PPP2R1B: variants seen among roughly 807,000 people sequenced by gnomAD.
PPP2R1B encodes the protein serine/threonine-protein phosphatase 2A 65 kDa regulatory subunit A beta isoform.
Under a neutral mutation model 72.7 loss-of-function variants are expected in PPP2R1B, and 58 were observed. That is an observed-to-expected ratio of 0.80 (90% CI 0.65 to 0.99). The LOEUF (loss-of-function observed/expected upper bound fraction) is 0.99. Ranked by LOEUF, PPP2R1B falls within the 50% of genes least tolerant of loss-of-function variation. PPP2R1B has a pLI of 0.00. For synonymous variants in PPP2R1B, 256 were observed against 264.6 expected, an observed-to-expected ratio of 0.97 and a Z score of 0.32; for missense variants, 695 against 733.6, an observed-to-expected ratio of 0.95 and a Z score of 0.61.
chr11:111,729,119 G>A (rs1188523691), intron 15 of PPP2R1B: 2 of 152,202 alleles, frequency 1.3e-5, no homozygotes, highest in South Asian at 2.1e-4. Flanking sequence ...CCTTCCAGTA[G>A]CCTCTCACAT....
At chr11:111,737,524 C>G (rs1944373372), downstream of PPP2R1B, 1 of 1,614,096 alleles carries the variant, frequency 6.2e-7, no homozygotes, top group South Asian at 1.1e-5. Context: ...GGGTTCTCCA[C>G]TGTCCTTCAC....
intron 7 of PPP2R1B, 45 bp downstream of exon 7, chr11:111,754,935 C>G (rs374673346): frequency 6.7e-7 from 1 of 1,497,732 alleles, no homozygotes. Flanking sequence ...AAAAAATGCA[C>G]CAAAATGAAT....
intron 15 of PPP2R1B, among the ~76,000 whole-genome samples, chr11:111,731,334 G>A (rs1307054585): frequency 6.6e-6 from 1 of 152,214 alleles, no homozygotes; most frequent in Non-Finnish European, 1.5e-5. Flanking sequence ...ACTTAGTCAC[G>A]ATGTCACATC....
At chr11:111,752,403 G>A (rs1027533598) in intron 9 of PPP2R1B, 71 bp from the exon 10 acceptor site, 8 of 1,427,822 alleles carry the variant, frequency 5.6e-6, no homozygotes, top group Non-Finnish European at 7.5e-6. Context: ...TCCTGTCAGG[G>A]TAAGATAAAA....
At chr11:111,734,180 T>C (rs888138146), downstream of PPP2R1B, among the ~76,000 whole-genome samples, 2 of 152,198 alleles carry the variant, frequency 1.3e-5, no homozygotes, top group African/African-American at 4.8e-5. Flanking sequence ...CCACTCTGCC[T>C]ATCTTACTTT....
chr11:111,704,922 G>T, the PPP2R1B span: 26 of 1,474,332 alleles, frequency 1.8e-5, no homozygotes, highest in Middle Eastern at 2.4e-4. Context: ...TTTTTTTTAG[G>T]CATGTGTAGA....
chr11:111,715,892 C>T, the PPP2R1B span, among the ~76,000 whole-genome samples: 1 of 151,088 alleles, frequency 6.6e-6, no homozygotes, highest in East Asian at 1.9e-4. Flanking sequence ...ACCTCCGCCC[C>T]CCGGGTTCAA....
rs1945300164 is a variant in PPP2R1B at position 111,760,916 on chromosome 11, C to T, written c.442G>A (p.Ala148Thr). ...AYFVPLVKRL[A>T]SGDWFTSRTS... ...CGAGAGGTGAACCAATCCCCACTTGCTAAGCGTTTCACCAGAGGTACAAAA... is the reference window on the plus strand; with the variant it reads ...CGAGAGGTGAACCAATCCCCACTTGTTAAGCGTTTCACCAGAGGTACAAAA... Residue 148 changes from alanine (A) to threonine (T), a missense_variant, in exon 4 of 15, where the codon GCA (alanine) becomes ACA (threonine). Physicochemically the swap from Ala to Thr is moderately conservative, Grantham distance 58. Transcript: ENST00000527614. 1 of 1,614,202 alleles carries T rather than the reference C, an allele frequency of 6.2e-7. No homozygotes were observed. Among genetic ancestry groups the T allele is most frequent in the Non-Finnish European group, 8.5e-7 (1 of 1,180,036 alleles).
intron 15 of PPP2R1B, chr11:111,730,366 T>A (rs1321809908): frequency 6.6e-6 from 1 of 152,200 alleles, no homozygotes; most frequent in Non-Finnish European, 1.5e-5. Flanking sequence ...AAGAGAAACC[T>A]GCCTTCACCA....
rs1322699461 is a variant in PPP2R1B at position 111,738,247 on chromosome 11, A to G, written c.*3349T>C. 2.0e-6 allele frequency: 2 copies of G among 985,420 alleles called. No homozygotes were observed. The highest frequency in any genetic ancestry group is 3.5e-5 in the African/African-American group (2 of 57,242). The allele number at this position is 985,420 out of a possible 1,614,324, so 61.0% of individuals were successfully genotyped here. The stretch of plus-strand genomic sequence containing the variant: ...TCCCTCTACAGTTTCATATCCAAGC[A>G]GTGGAGAAAAATAAGAAGCTTTACG... On this transcript the variant is annotated 3_prime_UTR_variant, in exon 15 of 15. Coordinates refer to ENST00000527614, the MANE Select transcript of PPP2R1B (RefSeq NM_002716.5).
rs370157691 is a variant in PPP2R1B at position 111,742,489 on chromosome 11, A to T, written c.1697+34T>A. On this transcript the variant is annotated intron_variant, in intron 13 of 14. Coordinates refer to ENST00000527614, the MANE Select transcript of PPP2R1B (RefSeq NM_002716.5). ...CACTATAAGGTAAAATTTAAAGTAC[A>T]CTTTTAAAACAAGACTAAACACTAA... 3.5e-5 allele frequency: 55 copies of T among 1,591,096 alleles called. No individual in the cohort carries two copies. The African/African-American group carries it at 6.1e-4, about 18-fold the overall frequency.
At chr11:111,726,110 T>C (rs1376384477), downstream of PPP2R1B, 2 of 152,338 alleles carry the variant, frequency 1.3e-5, no homozygotes, top group African/African-American at 4.8e-5. Context: ...TAGCCAGTTA[T>C]AAAATGGGGC....
At chr11:111,689,319 G>T in the PPP2R1B span, among the ~76,000 whole-genome samples, 1 of 152,140 alleles carries the variant, frequency 6.6e-6, no homozygotes, top group South Asian at 2.1e-4. Context: ...AGTGGAATTG[G>T]GATAACATGA....
the PPP2R1B span, among the ~76,000 whole-genome samples, chr11:111,691,280 A>G: frequency 1.3e-5 from 2 of 152,136 alleles, no homozygotes; most frequent in Non-Finnish European, 2.9e-5. Context: ...AAAAATTCAG[A>G]TTGGTGAAGT....
chr11:111,736,673 C>CA (rs1425659074), downstream of PPP2R1B, among the ~76,000 whole-genome samples: 4 of 152,166 alleles, frequency 2.6e-5, no homozygotes, highest in African/African-American at 9.6e-5. Context: ...CAACAAAAGG[C>CA]AAAAAACGTT....
At chr11:111,700,904 T>C in the PPP2R1B span, 1 of 1,614,028 alleles carries the variant, frequency 6.2e-7, no homozygotes, top group Non-Finnish European at 8.5e-7. Context: ...TTTGGAAATT[T>C]CTTTAAAAGT....
chr11:111,692,350 C>CAAAAAAAAAAAAAAAAAAAAAAAAAAAA, the PPP2R1B span, among the ~76,000 whole-genome samples: 3 of 26,482 alleles, frequency 1.1e-4, no homozygotes, highest in Non-Finnish European at 1.4e-4. Flanking sequence ...GACTCAGTCT[C>CAAAAAAAAAAAAAAAAAAAAAAAAAAAA]AAAAAAAAAA....
At chr11:111,698,310 A>G in the PPP2R1B span, among the ~76,000 whole-genome samples, 1 of 152,224 alleles carries the variant, frequency 6.6e-6, no homozygotes, top group Non-Finnish European at 1.5e-5. Context: ...TGTGAAGTGT[A>G]CTATGAGAGC....
intron 1 of PPP2R1B, chr11:111,766,009 G>T: frequency 1.7e-6 from 1 of 588,804 alleles, no homozygotes. Context: ...CCCGGGAAGG[G>T]CAAGGCTCCG....
Sources: gnomAD v4.1 joint callset for allele counts (sites outside exome capture counted in the v4.1 genomes callset) on GRCh38, gnomAD v4.1.1 for gene constraint, MANE v1.5 for transcripts, NCBI Gene and HGNC (gene_info 2026-07-23, HGNC 2026-07-21) for gene names.